Variants in TRIM63 observed in about 807,000 individuals in gnomAD.
TRIM63 encodes the protein E3 ubiquitin-protein ligase TRIM63.
Under a neutral mutation model 46.0 loss-of-function variants are expected in TRIM63, and 48 were observed. That is an observed-to-expected ratio of 1.04 (90% CI 0.83 to 1.33). The LOEUF (loss-of-function observed/expected upper bound fraction) is 1.33. Among genes scored for constraint, TRIM63 ranks in the 40% most tolerant of loss-of-function variants. The probability of loss-of-function intolerance (pLI) is 0.00; values close to 1 mark genes in which losing one functional copy is unlikely to be tolerated. For missense variants in TRIM63, 455 were observed against 441.2 expected (o/e 1.03, Z -0.28); for synonymous variants, 175 against 162.8 (o/e 1.08, Z -0.57).
intron 8 of TRIM63, among the ~76,000 whole-genome samples, chr1:26,052,673 G>C (rs1034957053): frequency 1.3e-5 from 2 of 151,862 alleles, no homozygotes; most frequent in Non-Finnish European, 1.5e-5. Flanking sequence ...CACCATGTTG[G>C]CCAGGATGGT....
rs72882870 is a variant in TRIM63, at chr1:26,061,478, T to A, written c.333-144A>T. The A allele has an allele frequency of 5.6e-3, 4,722 of 848,838 alleles. 136 individuals are homozygous for A. In the African/African-American group the frequency reaches 0.069, roughly 12 times the overall value. 52.6% of individuals were successfully genotyped at this position (848,838 alleles called of 1,614,324 possible). On this transcript the variant is annotated intron_variant, in intron 2 of 8. Coordinates refer to ENST00000374272, the MANE Select transcript of TRIM63 (RefSeq NM_032588.4). ...GGAATTCGAGGCTGCAGTGTGTCTG[T>A]GAATCTCCAGATTTATGCCCTGGGC...
At chr1:26,063,230 T>C (rs1036901979) in intron 2 of TRIM63, among the ~76,000 whole-genome samples, 16 of 152,156 alleles carry the variant, frequency 1.1e-4, no homozygotes, top group African/African-American at 3.9e-4. Flanking sequence ...CCATGCCTGG[T>C]GTAGATTCGA....
chr1:26,066,976 C>T (rs2050684228), intron 1 of TRIM63, among the ~76,000 whole-genome samples: 1 of 152,072 alleles, frequency 6.6e-6, no homozygotes. Flanking sequence ...AGCTCTGGGC[C>T]TCTTGCCACC....
chr1:26,067,522 T>C lies in TRIM63; in HGVS notation c.-28A>G, dbSNP rs2050689643. On this transcript the variant is annotated 5_prime_UTR_variant, in exon 1 of 9. Transcript: ENST00000374272. Reference sequence around the variant, plus strand: ...TGTGGGAAGGAATGAGAGCCACGCCTAGCTGCCTCCTCTACTAACTTTGCT... The same window carrying C: ...TGTGGGAAGGAATGAGAGCCACGCCCAGCTGCCTCCTCTACTAACTTTGCT... 1.1e-5 allele frequency: 17 copies of C among 1,611,584 alleles called. No homozygotes were observed. Among genetic ancestry groups the C allele is most frequent in the Non-Finnish European group, 1.4e-5 (17 of 1,179,342 alleles).
At chr1:26,065,906 G>A (rs1447501976) in intron 2 of TRIM63, among the ~76,000 whole-genome samples, 1 of 152,202 alleles carries the variant, frequency 6.6e-6, no homozygotes, top group African/African-American at 2.4e-5. Context: ...CGGGAGAGTA[G>A]CTGTTGCTAT....
At chr1:26,062,078 A>G (rs757512780) in intron 2 of TRIM63, among the ~76,000 whole-genome samples, 2 of 152,080 alleles carry the variant, frequency 1.3e-5, no homozygotes, top group Non-Finnish European at 2.9e-5. Context: ...GACCAGCTTG[A>G]CCAATATGAT....
In TRIM63 at chr1:26,067,519, G is replaced by A. The variant is rs749178694; in HGVS notation, c.-25C>T. 1.9e-6 allele frequency: 3 copies of A among 1,611,778 alleles called. No homozygotes were observed. Among genetic ancestry groups the A allele is most frequent in the African/African-American group, 1.3e-5 (1 of 75,050 alleles). Reference sequence around the variant, plus strand: ...TTCTGTGGGAAGGAATGAGAGCCACGCCTAGCTGCCTCCTCTACTAACTTT... The same window carrying A: ...TTCTGTGGGAAGGAATGAGAGCCACACCTAGCTGCCTCCTCTACTAACTTT... On this transcript the variant is annotated 5_prime_UTR_variant, in exon 1 of 9. Transcript: ENST00000374272.
Position 26,058,406 on chromosome 1 carries a change from C to T in TRIM63, c.815G>A (p.Gly272Glu). The change falls in exon 5 of 9, where the codon GGA (glycine) becomes GAA (glutamate). Residue 272 changes from glycine (G) to glutamate (E), a missense_variant. Transcript: ENST00000374272. The part of the protein sequence containing the change: ...TAIQSLDEPG[G>E]ATFLLTAKQL... ...CCTGCTCACCAAGAGGAAGGTGGCT[C>T]CCCCAGGCTCGTCCAGGGACTGGAT... 1.2e-6 allele frequency: 2 copies of T among 1,613,962 alleles called. No homozygotes were observed. Among genetic ancestry groups the T allele is most frequent in the Middle Eastern group, 1.7e-4 (1 of 6,016 alleles).
chr1:26,063,235 A>ATTCGAT (rs1004049624), intron 2 of TRIM63, among the ~76,000 whole-genome samples: 1 of 151,926 alleles, frequency 6.6e-6, no homozygotes, highest in African/African-American at 2.4e-5. Flanking sequence ...CCTGGTGTAG[A>ATTCGAT]TTCGATTTTT....
intron 2 of TRIM63, among the ~76,000 whole-genome samples, chr1:26,065,087 GA>G (rs1205844397): frequency 6.8e-6 from 1 of 146,224 alleles, no homozygotes; most frequent in Non-Finnish European, 1.5e-5. Flanking sequence ...GCAGTGGCAC[GA>G]TCTCTGCTCA....
chr1:26,060,603 G>C (rs539001148), intron 3 of TRIM63, among the ~76,000 whole-genome samples: 1 of 152,336 alleles, frequency 6.6e-6, no homozygotes, highest in Admixed American at 6.5e-5. Flanking sequence ...AAAACACACA[G>C]CAAGGAACTG....
chr1:26,058,621 C>T lies in TRIM63; in HGVS notation c.600G>A (p.Glu200=), dbSNP rs1165052409. The change falls in exon 5 of 9, where the codon GAG becomes GAA. Residue 200 remains glutamate, a splice_region_variant and synonymous_variant. Transcript: ENST00000374272. ...QLEDSRRVTK[E]NSHQVKEELS... ...GCTCTTCCTTTACCTGGTGACTGTTCTCCTGAGGACGGAAGTCTTGTGGTC... is the reference window on the plus strand; with the variant it reads ...GCTCTTCCTTTACCTGGTGACTGTTTTCCTGAGGACGGAAGTCTTGTGGTC... 2 of 1,613,918 alleles carry T rather than the reference C, an allele frequency of 1.2e-6. No homozygotes were observed. Among genetic ancestry groups the T allele is most frequent in the East Asian group, 2.2e-5 (1 of 44,888 alleles).
chr1:26,063,421 T>C (rs2050645777), intron 2 of TRIM63, among the ~76,000 whole-genome samples: 1 of 152,226 alleles, frequency 6.6e-6, no homozygotes, highest in African/African-American at 2.4e-5. Context: ...GGCTCTATTG[T>C]CCTCTGAAGT....
intron 8 of TRIM63, among the ~76,000 whole-genome samples, chr1:26,052,911 T>TA (rs1003299478): frequency 6.6e-6 from 1 of 151,976 alleles, no homozygotes; most frequent in Non-Finnish European, 1.5e-5. Flanking sequence ...TCTTAACCCT[T>TA]AAAAAAAACC....
At chr1:26,064,525 T>C (rs1474804811) in intron 2 of TRIM63, among the ~76,000 whole-genome samples, 2 of 152,106 alleles carry the variant, frequency 1.3e-5, no homozygotes, top group Non-Finnish European at 2.9e-5. Flanking sequence ...AAATCTCTGA[T>C]CCTCTCTGAG....
chr1:26,056,005 G>A (rs1212796926), intron 7 of TRIM63, among the ~76,000 whole-genome samples: 1 of 152,158 alleles, frequency 6.6e-6, no homozygotes, highest in Non-Finnish European at 1.5e-5. Flanking sequence ...GACACAGGAG[G>A]TGCCAAGAAG....
intron 5 of TRIM63, among the ~76,000 whole-genome samples, chr1:26,057,876 G>T (rs1327730261): frequency 6.6e-6 from 1 of 152,112 alleles, no homozygotes; most frequent in Non-Finnish European, 1.5e-5. Context: ...TTGACAGGAA[G>T]CTTGGATTCT....
chr1:26,055,259 G>A (rs1006877929), intron 7 of TRIM63, among the ~76,000 whole-genome samples: 3 of 152,194 alleles, frequency 2.0e-5, no homozygotes, highest in Non-Finnish European at 2.9e-5. Flanking sequence ...CCCTCTCTGA[G>A]CTTTAAGTTC....
At chr1:26,059,089 A>G (rs1166852347) in intron 4 of TRIM63, among the ~76,000 whole-genome samples, 1 of 137,272 alleles carries the variant, frequency 7.3e-6, no homozygotes, top group Non-Finnish European at 1.5e-5. Flanking sequence ...CAGTGGTGCG[A>G]TCTTGGCTCA....
Sources: allele counts gnomAD v4.1 joint callset (sites outside exome capture counted in the v4.1 genomes callset), GRCh38; gene constraint gnomAD v4.1.1; transcripts MANE v1.5; gene names NCBI Gene and HGNC (gene_info 2026-07-23, HGNC 2026-07-21).